Variants in XIRP2 observed in about 807,000 individuals in gnomAD.
The protein encoded by XIRP2 is xin actin-binding repeat-containing protein 2.
A neutral mutation model predicts 277.0 loss-of-function variants in XIRP2; 236 were observed. The ratio of observed to expected loss-of-function variants is 0.85; its 90% CI spans 0.77 to 0.95. The LOEUF is 0.95. Among genes scored for constraint, XIRP2 ranks in the 40% least tolerant of loss-of-function variants. XIRP2 has a pLI of 0.00. For synonymous variants in XIRP2, 1,490 were observed against 1,416.5 expected (o/e 1.05, Z -1.17); for missense variants, 4,640 against 4,157.5 (o/e 1.12, Z -3.19).
At chr2:167,138,703 T>C (rs931997886) in intron 3 of XIRP2, among the ~76,000 whole-genome samples, 5 of 152,100 alleles carry the variant, frequency 3.3e-5, no homozygotes, top group Admixed American at 1.3e-4. Flanking sequence ...TGATAATAGA[T>C]GGGATATGAA....
At chr2:167,051,573 T>C (rs1688915166) in intron 2 of XIRP2, among the ~76,000 whole-genome samples, 1 of 152,098 alleles carries the variant, frequency 6.6e-6, no homozygotes. Flanking sequence ...ACTTGCTTCT[T>C]TCACTCAATG....
intron 1 of XIRP2, among the ~76,000 whole-genome samples, chr2:166,899,796 G>A (rs914951274): frequency 5.9e-5 from 9 of 152,066 alleles, no homozygotes; most frequent in Non-Finnish European, 2.9e-5. Flanking sequence ...TTTTGGAACT[G>A]AGAGGCAATA....
chr2:167,078,216 T>C (rs1183877317), intron 2 of XIRP2, among the ~76,000 whole-genome samples: 1 of 152,210 alleles, frequency 6.6e-6, no homozygotes, highest in Non-Finnish European at 1.5e-5. Context: ...TATTCCTAGG[T>C]ATTTTATTTG....
chr2:167,059,721 G>A (rs1011913808), intron 2 of XIRP2, among the ~76,000 whole-genome samples: 1 of 152,126 alleles, frequency 6.6e-6, no homozygotes, highest in Non-Finnish European at 1.5e-5. Context: ...CTGTGTCTCA[G>A]ATTGTTACAT....
At chr2:167,128,214 T>C (rs73015953) in intron 2 of XIRP2, among the ~76,000 whole-genome samples, 14,277 of 152,256 alleles carry the variant, frequency 0.094, 1,326 homozygotes, top group African/African-American at 0.24. Context: ...CTAGTCCCCT[T>C]CTCACTATCC....
intron 2 of XIRP2, among the ~76,000 whole-genome samples, chr2:167,086,975 G>T (rs891421124): frequency 2.6e-5 from 4 of 152,016 alleles, no homozygotes; most frequent in Non-Finnish European, 5.9e-5. Context: ...GCTTTGTTCC[G>T]TTGCTGGTGA....
At chr2:167,094,840 C>T (rs1440101791) in intron 2 of XIRP2, among the ~76,000 whole-genome samples, 2 of 152,110 alleles carry the variant, frequency 1.3e-5, no homozygotes, top group Admixed American at 1.3e-4. Flanking sequence ...GTAGTTTTTT[C>T]TAATTCTGTG....
chr2:167,116,097 A>G (rs1161524018), intron 2 of XIRP2, among the ~76,000 whole-genome samples: 2 of 152,164 alleles, frequency 1.3e-5, no homozygotes, highest in Admixed American at 1.3e-4. Flanking sequence ...CTTGAAAAGA[A>G]TGTTTATTTT....
At chr2:167,234,683 T>TTA (rs1559033184) in intron 5 of XIRP2, among the ~76,000 whole-genome samples, 2 of 151,866 alleles carry the variant, frequency 1.3e-5, no homozygotes, top group Non-Finnish European at 3.0e-5. Context: ...GCAGAGTTAC[T>TTA]ATTGAATTAA....
Position 167,250,453 on chromosome 2 carries a change from G to GATAT in XIRP2, c.9062_9065dup (p.Met3022IlefsTer7). On this transcript the variant is annotated frameshift_variant, in exon 9 of 11. Transcript: ENST00000409195. LOFTEE classifies it high-confidence loss of function. ...AACACATATTAAAACTCAAGCGGAA[G>GATAT]ATATGCTTGTGTCCTATGAAAATAT... is the stretch of plus-strand genomic sequence containing the variant. The GATAT allele has an allele frequency of 6.2e-7, 1 of 1,613,290 alleles. No homozygotes were observed. Among genetic ancestry groups the GATAT allele is most frequent in the Non-Finnish European group, 8.5e-7 (1 of 1,179,648 alleles).
Position 167,243,762 on chromosome 2 carries a change from A to C in XIRP2, c.2370A>C (p.Lys790Asn). The C allele has an allele frequency of 1.2e-6, 2 of 1,614,068 alleles. No homozygotes were observed. Among genetic ancestry groups the C allele is most frequent in the Non-Finnish European group, 1.7e-6 (2 of 1,179,970 alleles). ...TTAACAAAGATATCACAGAAATTAA[A>C]GTTGTCCGAGGAATATCCATGGAAG... ...DTINKDITEI[K>N]VVRGISMEEN... The change falls in exon 9 of 11, where the codon AAA becomes AAC. Residue 790 changes from lysine (K) to asparagine (N), a missense_variant. Transcript: ENST00000409195.
chr2:166,941,282 A>G (rs910212263), intron 2 of XIRP2, among the ~76,000 whole-genome samples: 3 of 152,204 alleles, frequency 2.0e-5, no homozygotes, highest in African/African-American at 7.2e-5. Context: ...CCATTTGCTA[A>G]GACCATCGGA....
chr2:167,141,576 G>T (rs1574291786), intron 3 of XIRP2, among the ~76,000 whole-genome samples: 3 of 152,164 alleles, frequency 2.0e-5, no homozygotes, highest in African/African-American at 7.2e-5. Flanking sequence ...ACGGGAAGGT[G>T]ACATTTAAAC....
chr2:166,913,004 A>T (rs1184219653), intron 2 of XIRP2, among the ~76,000 whole-genome samples: 1 of 152,156 alleles, frequency 6.6e-6, no homozygotes, highest in Non-Finnish European at 1.5e-5. Context: ...TGAGGTGTCA[A>T]TCTGCCCCTA....
chr2:167,177,550 T>C (rs77537179), intron 3 of XIRP2, among the ~76,000 whole-genome samples: 15,036 of 152,254 alleles, frequency 0.099, 796 homozygotes, highest in South Asian at 0.15. Flanking sequence ...AAATTCTCAA[T>C]TTGTAGGCAT....
chr2:167,218,900 T>G (rs1221688084), intron 5 of XIRP2, among the ~76,000 whole-genome samples: 1 of 152,176 alleles, frequency 6.6e-6, no homozygotes, highest in Admixed American at 6.5e-5. Flanking sequence ...GATTTTTGAA[T>G]GTGAGAATCT....
At chr2:167,019,439 G>A (rs1011678195) in intron 2 of XIRP2, among the ~76,000 whole-genome samples, 3 of 152,028 alleles carry the variant, frequency 2.0e-5, no homozygotes, top group African/African-American at 7.2e-5. Flanking sequence ...AATTCTGGGA[G>A]AAATATGAAT....
chr2:167,031,333 G>A (rs773183396), intron 2 of XIRP2, among the ~76,000 whole-genome samples: 10 of 151,930 alleles, frequency 6.6e-5, no homozygotes, highest in South Asian at 2.1e-4. Context: ...GTGGGATACC[G>A]GTTTTTCCTT....
At chr2:167,036,853 A>G (rs746472583) in intron 2 of XIRP2, among the ~76,000 whole-genome samples, 12 of 152,032 alleles carry the variant, frequency 7.9e-5, no homozygotes, top group Non-Finnish European at 1.3e-4. Context: ...CTTTCCAGTG[A>G]TATTCTCATG....
Sources: gnomAD v4.1 joint callset for allele counts (sites outside exome capture counted in the v4.1 genomes callset) on GRCh38, gnomAD v4.1.1 for gene constraint, MANE v1.5 for transcripts, NCBI Gene and HGNC (gene_info 2026-07-23, HGNC 2026-07-21) for gene names.